The following MPDZ variants were observed in gnomAD, a reference collection of about 807,000 sequenced individuals.
The protein encoded by MPDZ is multiple PDZ domain protein.
A neutral mutation model predicts 239.1 loss-of-function variants in MPDZ; 234 were observed. The observed-to-expected ratio is 0.98, with a 90% confidence interval of 0.88 to 1.09. MPDZ has a LOEUF of 1.09. MPDZ is among the 50% of genes least tolerant of loss of function. The pLI, the probability that MPDZ is intolerant of heterozygous loss-of-function variation, is 0.00. For missense variants in MPDZ, 3,175 were observed against 2,510.0 expected, an observed-to-expected ratio of 1.26 and a Z score of -5.66; for synonymous variants, 1,048 against 881.3, an observed-to-expected ratio of 1.19 and a Z score of -3.35.
chr9:13,179,989 G>C (rs112924258), intron 19 of MPDZ, among the ~76,000 whole-genome samples: 1 of 152,046 alleles, frequency 6.6e-6, no homozygotes, highest in African/African-American at 2.4e-5. Context: ...CTCTTTCTGA[G>C]ATAAGGTACA....
Position 13,110,753 on chromosome 9 carries a change from G to A in MPDZ, c.5725-13C>T, listed in dbSNP as rs777146222. The A allele has an allele frequency of 1.2e-6, 2 of 1,601,016 alleles. No homozygotes were observed. Among genetic ancestry groups the A allele is most frequent in the Non-Finnish European group, 8.5e-7 (1 of 1,170,754 alleles). On this transcript the variant is annotated splice_polypyrimidine_tract_variant and intron_variant, in intron 43 of 46. Transcript: ENST00000319217. Reference sequence around the variant, plus strand: ...TCCTATCCCCAACCTGCAAGGGAGAGAAAGAAACAGCCATCTGCTAAAGCA... The same window carrying A: ...TCCTATCCCCAACCTGCAAGGGAGAAAAAGAAACAGCCATCTGCTAAAGCA...
intron 21 of MPDZ, among the ~76,000 whole-genome samples, chr9:13,172,100 A>C (rs1563955084): frequency 6.6e-6 from 1 of 152,200 alleles, no homozygotes; most frequent in Admixed American, 6.5e-5. Flanking sequence ...GTGCTATAGA[A>C]ATCTGAACAT....
At chr9:13,131,131 G>A (rs964122442) in intron 32 of MPDZ, among the ~76,000 whole-genome samples, 1 of 152,116 alleles carries the variant, frequency 6.6e-6, no homozygotes, top group Non-Finnish European at 1.5e-5. Flanking sequence ...GATTTCAGCT[G>A]ATTCATGAGT....
chr9:13,217,122 G>C, intron 9 of MPDZ, 58 bp downstream of exon 9: 1 of 1,133,750 alleles, frequency 8.8e-7, no homozygotes. Context: ...TATTTTATAA[G>C]AGATAGATAT....
chr9:13,258,504 G>A (rs992444798), intron 1 of MPDZ, among the ~76,000 whole-genome samples: 2 of 152,176 alleles, frequency 1.3e-5, no homozygotes, highest in Admixed American at 6.5e-5. Flanking sequence ...GTAAGCAGAC[G>A]AAGGCACAGT....
intron 25 of MPDZ, among the ~76,000 whole-genome samples, chr9:13,149,401 G>A (rs1948858848): frequency 6.6e-6 from 1 of 152,018 alleles, no homozygotes; most frequent in Non-Finnish European, 1.5e-5. Flanking sequence ...CTTGTATAAA[G>A]TAAATATAAT....
At chr9:13,229,422 T>A (rs1479102647) in intron 3 of MPDZ, among the ~76,000 whole-genome samples, 2 of 150,472 alleles carry the variant, frequency 1.3e-5, no homozygotes, top group African/African-American at 4.9e-5. Flanking sequence ...TAAAAACCAC[T>A]AGAGCAAAAA....
chr9:13,110,690 A>G lies in MPDZ; in HGVS notation c.5775T>C (p.Thr1925=). The change falls in exon 44 of 47, where the codon ACT becomes ACC. Residue 1925 remains threonine, a synonymous_variant. Transcript: ENST00000319217. The part of the protein sequence containing the change: ...TICGTSTEGM[T]HTQAVNLLKN... ...TCAGTAGGTTAACTGCTTGGGTGTG[A>G]GTCATGCCCTCAGTGGATGTGCCAC... The G allele has an allele frequency of 6.2e-7, 1 of 1,613,730 alleles. No homozygotes were observed. Among genetic ancestry groups the G allele is most frequent in the Non-Finnish European group, 8.5e-7 (1 of 1,179,784 alleles).
chr9:13,165,456 C>CG (rs1409226839), intron 22 of MPDZ: 2 of 1,546,654 alleles, frequency 1.3e-6, no homozygotes. Context: ...ATGGTGTTAA[C>CG]AAATGTCAAT....
intron 3 of MPDZ, among the ~76,000 whole-genome samples, chr9:13,228,160 A>G (rs1440522640): frequency 6.6e-6 from 1 of 152,168 alleles, no homozygotes; most frequent in African/African-American, 2.4e-5. Flanking sequence ...AACATTCTGT[A>G]TAATTTATGG....
At chr9:13,240,786 A>C (rs1417923174) in intron 3 of MPDZ, among the ~76,000 whole-genome samples, 3 of 151,996 alleles carry the variant, frequency 2.0e-5, no homozygotes, top group Non-Finnish European at 4.4e-5. Context: ...ATAGCACATA[A>C]GGGCTTCTTG....
chr9:13,275,118 C>T (rs926514427), intron 1 of MPDZ, among the ~76,000 whole-genome samples: 2 of 152,198 alleles, frequency 1.3e-5, no homozygotes, highest in Non-Finnish European at 2.9e-5. Context: ...GCCTCCAATA[C>T]GAGCTCACTG....
chr9:13,199,281 G>A (rs183599455), intron 12 of MPDZ, among the ~76,000 whole-genome samples: 465 of 151,994 alleles, frequency 3.1e-3, no homozygotes, highest in African/African-American at 0.011. Context: ...TGTTGTAAAT[G>A]GGATCACTTT....
At chr9:13,117,047 A>T (rs1315059272) in intron 39 of MPDZ, among the ~76,000 whole-genome samples, 3 of 152,160 alleles carry the variant, frequency 2.0e-5, no homozygotes, top group Non-Finnish European at 2.9e-5. Context: ...TCCTATATAT[A>T]AGGTTTAATT....
chr9:13,143,632 A>G, intron 26 of MPDZ, 68 bp from the exon 27 acceptor site: 1 of 1,223,436 alleles, frequency 8.2e-7, no homozygotes, highest in South Asian at 1.2e-5. Context: ...TTTTAAAAGC[A>G]AAGTACATAC....
At chr9:13,131,668 T>G (rs1403614645) in intron 32 of MPDZ, among the ~76,000 whole-genome samples, 1 of 152,194 alleles carries the variant, frequency 6.6e-6, no homozygotes, top group Non-Finnish European at 1.5e-5. Flanking sequence ...ACCAGCTACA[T>G]GTCTTTATCC....
intron 24 of MPDZ, among the ~76,000 whole-genome samples, chr9:13,152,410 C>T (rs1007606985): frequency 1.3e-5 from 2 of 152,072 alleles, no homozygotes; most frequent in Admixed American, 6.6e-5. Context: ...CAGGTCTTTC[C>T]TGTGCTTTTC....
At chr9:13,169,829 T>C (rs1951557576) in intron 21 of MPDZ, among the ~76,000 whole-genome samples, 1 of 152,200 alleles carries the variant, frequency 6.6e-6, no homozygotes, top group African/African-American at 2.4e-5. Flanking sequence ...CCCTAAGTTC[T>C]AGCCACAAAT....
At chr9:13,113,342 A>G (rs762377929) in intron 41 of MPDZ, among the ~76,000 whole-genome samples, 19 of 152,178 alleles carry the variant, frequency 1.2e-4, no homozygotes, top group Non-Finnish European at 2.5e-4. Context: ...TGTTTTGCAT[A>G]GAAAGGCACA....
Sources: gnomAD v4.1 joint callset for allele counts (sites outside exome capture counted in the v4.1 genomes callset) on GRCh38, gnomAD v4.1.1 for gene constraint, MANE v1.5 for transcripts, NCBI Gene and HGNC (gene_info 2026-07-23, HGNC 2026-07-21) for gene names.